TTN: variants seen among roughly 807,000 people sequenced by gnomAD.
TTN encodes the protein titin.
A neutral mutation model predicts 3,223.0 loss-of-function variants in TTN; 1,525 were observed. The observed-to-expected ratio is 0.47, with a 90% CI of 0.45 to 0.49. The LOEUF is 0.49. Ranked by LOEUF, TTN falls within the 20% of genes least tolerant of loss-of-function variation. TTN has a pLI of 0.00. For synonymous variants in TTN, 14,094 were observed against 15,161.0 expected (o/e 0.93, Z 5.17); for missense variants, 40,786 against 43,424.0 (o/e 0.94, Z 5.40).
rs770409489 is a variant in TTN, at chr2:178,617,931, G to A, written c.47420C>T (p.Thr15807Ile). The A allele has an allele frequency of 6.2e-7, 1 of 1,612,576 alleles. No individual in the cohort carries two copies. The highest frequency in any genetic ancestry group is 8.5e-7 in the Non-Finnish European group (1 of 1,179,130). Residue 15807 changes from threonine (T) to isoleucine (I), a missense_variant, in exon 253 of 363, where the codon ACT becomes ATT. Thr to Ile is a moderately conservative substitution (Grantham distance 89). Coordinates refer to ENST00000589042, the MANE Select transcript of TTN (RefSeq NM_001267550.2). ...GTCTTCAGCTCTCACAGTCATGGCA[G>A]TATCCCACCTGATAGAAGTCTTGTC... ...LRDKTSIRWD[T>I]AMTVRAEDLS...
intron 43 of TTN, among the ~76,000 whole-genome samples, chr2:178,761,932 CT>C (rs1443170492): frequency 6.6e-6 from 1 of 152,110 alleles, no homozygotes; most frequent in East Asian, 1.9e-4. Flanking sequence ...AAAAAAATAG[CT>C]TTTTTACATT....
chr2:178,701,166 C>A lies in TTN; in HGVS notation c.30636G>T (p.Leu10212Phe). ...GTTTCTTTTCTTCGGGTGTTGGTAG[C>A]AAAAGGGGGATAGGAGGAGCAACCA... ...PPVVAPPIPL[L>F]LPTPEEKKPP... The change falls in exon 111 of 363, where the codon TTG (leucine) becomes TTT (phenylalanine). Residue 10212 changes from leucine to phenylalanine, a missense_variant. Physicochemically the swap from Leu to Phe is conservative, Grantham distance 22. Coordinates refer to ENST00000589042, the MANE Select transcript of TTN (RefSeq NM_001267550.2). 1.2e-6 allele frequency: 2 copies of A among 1,613,342 alleles called. No homozygotes were observed. Among genetic ancestry groups the A allele is most frequent in the Non-Finnish European group, 1.7e-6 (2 of 1,179,638 alleles).
At chr2:178,737,723 T>A (rs1293794932) in intron 49 of TTN, among the ~76,000 whole-genome samples, 3 of 152,188 alleles carry the variant, frequency 2.0e-5, no homozygotes. Context: ...AGTTTGTAAT[T>A]CTGTTCTTAA....
At position 178,712,841 on chromosome 2, in the gene TTN, C is replaced by T; in HGVS notation, c.27184G>A (p.Gly9062Ser). Residue 9062 changes from glycine to serine, a missense_variant, in exon 94 of 363, where the codon GGT becomes AGT. By Grantham distance (56) the Gly-to-Ser change is moderately conservative (BLOSUM62 0). Coordinates refer to ENST00000589042, the MANE Select transcript of TTN (RefSeq NM_001267550.2). ...WFKGSSELVPGDRCNVSLEDS... is the reference protein window; with the variant it reads ...WFKGSSELVPSDRCNVSLEDS... ...TCCAAAGACACGTTGCATCTGTCACCTGGTACTAGTTCACTGCTACCTTTG... is the reference window on the plus strand; with the variant it reads ...TCCAAAGACACGTTGCATCTGTCACTTGGTACTAGTTCACTGCTACCTTTG... 6.2e-7 allele frequency: 1 copy of T among 1,613,798 alleles called. No individual in the cohort carries two copies. The highest frequency in any genetic ancestry group is 8.5e-7 in the Non-Finnish European group (1 of 1,179,784).
In TTN at chr2:178,534,124, T is replaced by G; in HGVS notation, c.102491A>C (p.Gln34164Pro). 2 of 1,613,986 alleles carry G rather than the reference T, an allele frequency of 1.2e-6. No individual in the cohort carries two copies. The highest frequency in any genetic ancestry group is 1.7e-6 in the Non-Finnish European group (2 of 1,179,858). Residue 34164 changes from glutamine (Q) to proline (P), a missense_variant, in exon 358 of 363, where the codon CAG (glutamine) becomes CCG (proline). By Grantham distance (76) the Gln-to-Pro change is moderately conservative (BLOSUM62 -1). Coordinates refer to ENST00000589042, the MANE Select transcript of TTN (RefSeq NM_001267550.2). ...AAAGTACCAAGTCACTTGGGTAGAC[T>G]GATCATAATTTTCAATTTTGCATAC... Reference protein sequence around the residue: ...KYVCKIENYDQSTQVTWYFGV... With the variant: ...KYVCKIENYDPSTQVTWYFGV...
intron 52 of TTN, 112 bp downstream of exon 52, chr2:178,734,216 A>G (rs1217508742): frequency 3.7e-6 from 5 of 1,357,872 alleles, no homozygotes; most frequent in South Asian, 1.7e-5. Flanking sequence ...AAACCAAGAC[A>G]AAACAAATTT....
chr2:178,748,328 C>T, intron 47 of TTN: 1 of 1,612,964 alleles, frequency 6.2e-7, no homozygotes, highest in Non-Finnish European at 8.5e-7. Flanking sequence ...ATCAATACTA[C>T]TTTTCTCCAC....
Position 178,534,775 on chromosome 2 carries a change from T to C in TTN, c.101840A>G (p.Tyr33947Cys), listed in dbSNP as rs557060548. The C allele has an allele frequency of 2.5e-6, 4 of 1,613,302 alleles. No individual in the cohort carries two copies. The highest frequency in any genetic ancestry group is 2.7e-5 in the African/African-American group (2 of 75,038). Residue 33947 changes from tyrosine to cysteine, a missense_variant, in exon 358 of 363, where the codon TAC becomes TGC. Coordinates refer to ENST00000589042, the MANE Select transcript of TTN (RefSeq NM_001267550.2). ...AATGGTAGAGCTTCTTCTGGTTTGG[T>C]AAATGATATTTTCTGGTCTAATGTC... The part of the protein sequence containing the change: ...HFDIRPENII[Y>C]QTRRSSTIKI...
In TTN at chr2:178,571,634, G is replaced by C; in HGVS notation, c.74498C>G (p.Pro24833Arg). ...ADSITLSWGP[P>R]KYDGGSSINN... ...GATAGAACTTCCACCATCATACTTG[G>C]GTGGGCCCCAGGAAAGAGTAATACT... is the stretch of plus-strand genomic sequence containing the variant. The change falls in exon 326 of 363, where the codon CCC (proline) becomes CGC (arginine). Residue 24833 changes from proline to arginine, a missense_variant. Physicochemically the swap from Pro to Arg is moderately radical, Grantham distance 103. Transcript: ENST00000589042. 1.2e-6 allele frequency: 2 copies of C among 1,613,248 alleles called. No homozygotes were observed. The highest frequency in any genetic ancestry group is 1.1e-5 in the South Asian group (1 of 91,064).
In TTN at chr2:178,694,623, G is replaced by A. The variant is rs1005082526; in HGVS notation, c.31402C>T (p.Gln10468Ter). The change falls in exon 117 of 363, where the codon CAG becomes TAG. Residue 10468 changes from glutamine (Q) to a stop codon, truncating the protein, a stop_gained. Transcript: ENST00000589042. LOFTEE classifies it high-confidence loss of function. ...CCTTTCACTTCAATAACTTCTTCCT[G>A]TACTGGAGTCCGGGAAGGTTTTTGT... Reference protein sequence around the residue: ...VPQKPSRTPVQEEVIEVKVPA... With the variant: ...VPQKPSRTPV 1 of 1,559,742 alleles carries A rather than the reference G, an allele frequency of 6.4e-7. No homozygotes were observed. Among genetic ancestry groups the A allele is most frequent in the Non-Finnish European group, 8.7e-7 (1 of 1,150,448 alleles).
chr2:178,684,849 G>C, intron 130 of TTN, 57 bp downstream of exon 130: 2 of 1,540,368 alleles, frequency 1.3e-6, no homozygotes, highest in Non-Finnish European at 1.8e-6. Context: ...TCTGAAGAAT[G>C]TATCAATTTA....
chr2:178,552,475 G>T lies in TTN; in HGVS notation c.90425C>A (p.Thr30142Asn). The part of the protein sequence containing the change: ...DLSDIPGAQV[T>N]VRIGHNVHLE... ...GTGCACATTGTGCCCAATTCTCACA[G>T]TGACTTGTGCCCCAGGGATATCTGA... is the stretch of plus-strand genomic sequence containing the variant. The change falls in exon 335 of 363, where the codon ACT (threonine) becomes AAT (asparagine). Residue 30142 changes from threonine (T) to asparagine (N), a missense_variant. Thr to Asn is a moderately conservative substitution (Grantham distance 65, BLOSUM62 0). Coordinates refer to ENST00000589042, the MANE Select transcript of TTN (RefSeq NM_001267550.2). 1 of 1,610,940 alleles carries T rather than the reference G, an allele frequency of 6.2e-7. No homozygotes were observed. Among genetic ancestry groups the T allele is most frequent in the Non-Finnish European group, 8.5e-7 (1 of 1,177,480 alleles).
At chr2:178,648,275 C>T (rs561592340) in intron 213 of TTN, among the ~76,000 whole-genome samples, 38 of 152,194 alleles carry the variant, frequency 2.5e-4, no homozygotes, top group Non-Finnish European at 5.3e-4. Context: ...TCAAGACATT[C>T]CACAGCCAAT....
At chr2:178,794,584 T>C in intron 7 of TTN, 33 bp from the exon 8 acceptor site, 2 of 1,613,894 alleles carry the variant, frequency 1.2e-6, no homozygotes, top group Non-Finnish European at 1.7e-6. Flanking sequence ...GATTACTTTT[T>C]TAAATGACAT....
chr2:178,569,269 T>A lies in TTN; in HGVS notation c.76863A>T (p.Thr25621=), dbSNP rs2154167646. ...TEITKDSVSI[T]WEPPLLDGGS... is the part of the protein sequence containing the mutation. Reference sequence around the variant, plus strand: ...CCCCATCCAACAAAGGAGGTTCCCATGTAATTGATACTGAGTCTTTGGTGA... The same window carrying A: ...CCCCATCCAACAAAGGAGGTTCCCAAGTAATTGATACTGAGTCTTTGGTGA... Residue 25621 remains threonine, a synonymous_variant, in exon 326 of 363, where the codon ACA becomes ACT. Transcript: ENST00000589042. The A allele has an allele frequency of 6.2e-7, 1 of 1,606,820 alleles. No homozygotes were observed. Among genetic ancestry groups the A allele is most frequent in the Non-Finnish European group, 8.5e-7 (1 of 1,175,894 alleles).
rs1197503879 is a variant in TTN at position 178,575,984 on chromosome 2, A to T, written c.70148T>A (p.Ile23383Asn). The T allele has an allele frequency of 1.2e-6, 2 of 1,611,462 alleles. No homozygotes were observed. Among genetic ancestry groups the T allele is most frequent in the Non-Finnish European group, 1.7e-6 (2 of 1,178,088 alleles). Residue 23383 changes from isoleucine (I) to asparagine (N), a missense_variant, in exon 326 of 363, where the codon ATC becomes AAC. Coordinates refer to ENST00000589042, the MANE Select transcript of TTN (RefSeq NM_001267550.2). This position sits in a 1 kb window ranked among gnomAD's most constrained non-coding sequence, Gnocchi z 4.0. ...AATGTTGGCTCGGTTTTTCAGGTTG[A>T]TGTTATCTTTGGTCCATGTCACTTC... is the stretch of plus-strand genomic sequence containing the variant. The part of the protein sequence containing the change: ...APEVTWTKDN[I>N]NLKNRANIEN...
rs1303034746 is a variant in TTN, at chr2:178,572,697, T to C, written c.73435A>G (p.Ser24479Gly). ...CCAACAATAAGCAGGGTGTAAGAGCTTGTGGATTCGATGCTAGCTTTATCT... is the reference window on the plus strand; with the variant it reads ...CCAACAATAAGCAGGGTGTAAGAGCCTGTGGATTCGATGCTAGCTTTATCT... Reference protein sequence around the residue: ...SLDKASIESTSSYTLLIVGNV... With the variant: ...SLDKASIESTGSYTLLIVGNV... The change falls in exon 326 of 363, where the codon AGC (serine) becomes GGC (glycine). Residue 24479 changes from serine to glycine, a missense_variant. Physicochemically the swap from Ser to Gly is moderately conservative, Grantham distance 56. Coordinates refer to ENST00000589042, the MANE Select transcript of TTN (RefSeq NM_001267550.2). 1.2e-6 allele frequency: 2 copies of C among 1,613,352 alleles called. No individual in the cohort carries two copies. The highest frequency in any genetic ancestry group is 2.7e-5 in the African/African-American group (2 of 74,868).
chr2:178,635,576 T>A lies in TTN; in HGVS notation c.41748A>T (p.Glu13916Asp). 6.3e-7 allele frequency: 1 copy of A among 1,594,326 alleles called. No individual in the cohort carries two copies. ...TCAGTATTTCAGTCTTATCATTTGGTTCCGCAGGGATTTCATCATATCCTT... is the reference window on the plus strand; with the variant it reads ...TCAGTATTTCAGTCTTATCATTTGGATCCGCAGGGATTTCATCATATCCTT... ...WFKGYDEIPA[E>D]PNDKTEILRD... The change falls in exon 227 of 363, where the codon GAA becomes GAT. Residue 13916 changes from glutamate to aspartate, a missense_variant. Coordinates refer to ENST00000589042, the MANE Select transcript of TTN (RefSeq NM_001267550.2).
chr2:178,672,442 AGGACTTTCTTTTCTG>A lies in TTN; in HGVS notation c.34880_34894del (p.Pro11627_Val11631del), dbSNP rs2067173304. 2 of 1,597,518 alleles carry A rather than the reference AGGACTTTCTTTTCTG, an allele frequency of 1.3e-6. No homozygotes were observed. The highest frequency in any genetic ancestry group is 2.2e-5 in the East Asian group (1 of 44,776). ...GGGAACAGCTTCCTTTTTAGGCACA[AGGACTTTCTTTTCTG>A]GGACTTTCTTTGGTACTTCAGGCAC... On this transcript the variant is annotated inframe_deletion, in exon 154 of 363. Coordinates refer to ENST00000589042, the MANE Select transcript of TTN (RefSeq NM_001267550.2).
Sources: allele counts gnomAD v4.1 joint callset (sites outside exome capture counted in the v4.1 genomes callset), GRCh38; gene constraint gnomAD v4.1.1; non-coding constraint Gnocchi (gnomAD v3.1); transcripts MANE v1.5; gene names NCBI Gene and HGNC (gene_info 2026-07-23, HGNC 2026-07-21).